CNTNAP2: variants seen among roughly 807,000 people sequenced by gnomAD.
CNTNAP2 encodes contactin associated protein 2.
Under a neutral mutation model 155.2 loss-of-function variants are expected in CNTNAP2, and 98 were observed. That is an observed-to-expected ratio of 0.63 (90% CI 0.54 to 0.75). The LOEUF (loss-of-function observed/expected upper bound fraction) is 0.75. CNTNAP2 is among the 30% of genes least tolerant of loss of function. The pLI is 0.00. For synonymous variants in CNTNAP2, 651 were observed against 631.2 expected, an observed-to-expected ratio of 1.03 and a Z score of -0.47; for missense variants, 1,727 against 1,688.1, an observed-to-expected ratio of 1.02 and a Z score of -0.40.
intron 10 of CNTNAP2, among the ~76,000 whole-genome samples, chr7:147,476,029 G>A (rs541086065): frequency 1.3e-5 from 2 of 151,834 alleles, no homozygotes; most frequent in Admixed American, 6.5e-5. Context: ...ATCTACTATC[G>A]ATAATCTTAC....
rs144480116 is a variant in CNTNAP2, at chr7:146,358,593, A to C, written c.97+241620A>C. 3.6e-3 allele frequency among the ~76,000 whole-genome samples: 550 copies of C among 152,302 alleles called. 6 individuals are homozygous for C. The highest frequency in any genetic ancestry group is 0.012 in the African/African-American group (508 of 41,568). On this transcript the variant is annotated intron_variant, in intron 1 of 23. Coordinates refer to ENST00000361727, the MANE Select transcript of CNTNAP2 (RefSeq NM_014141.6). ...TCCAGCTGGATTATGAAGGTTGAGGAAAGATCGTATTAATATGTATAGAAT... is the reference window on the plus strand; with the variant it reads ...TCCAGCTGGATTATGAAGGTTGAGGCAAGATCGTATTAATATGTATAGAAT...
chr7:146,684,591 CAGAAT>C (rs1388082236), intron 1 of CNTNAP2, among the ~76,000 whole-genome samples: 1 of 106,722 alleles, frequency 9.4e-6, no homozygotes, highest in East Asian at 3.0e-4. Flanking sequence ...ATCACCATGA[CAGAAT>C]AGAATGTTCC....
chr7:146,497,895 GTTTA>G (rs1198801364), intron 1 of CNTNAP2, among the ~76,000 whole-genome samples: 1 of 127,600 alleles, frequency 7.8e-6, no homozygotes, highest in African/African-American at 3.4e-5. Flanking sequence ...AATTATATAT[GTTTA>G]TTCAAACATA....
At chr7:146,672,863 A>G (rs1486193370) in intron 1 of CNTNAP2, among the ~76,000 whole-genome samples, 1 of 152,148 alleles carries the variant, frequency 6.6e-6, no homozygotes, top group African/African-American at 2.4e-5. Flanking sequence ...TTGTGTCTTC[A>G]TGTTTCTATA....
intron 3 of CNTNAP2, among the ~76,000 whole-genome samples, chr7:146,852,998 G>A (rs528068554): frequency 6.6e-6 from 1 of 152,272 alleles, no homozygotes; most frequent in African/African-American, 2.4e-5. Flanking sequence ...TGACAGCCTA[G>A]AGCAAGAGAA....
At chr7:148,252,606 G>C (rs761893859) in intron 20 of CNTNAP2, among the ~76,000 whole-genome samples, 2 of 152,160 alleles carry the variant, frequency 1.3e-5, no homozygotes, top group Non-Finnish European at 2.9e-5. Flanking sequence ...GGGGTACACA[G>C]CACATTAACA....
chr7:147,738,624 C>G (rs10271321), intron 13 of CNTNAP2, among the ~76,000 whole-genome samples: 118,707 of 150,914 alleles, frequency 0.79, 46,871 homozygotes, highest in East Asian at 0.99. Context: ...TGCACACTAA[C>G]TAGACACAGT....
chr7:146,630,853 G>C (rs902497531), intron 1 of CNTNAP2, among the ~76,000 whole-genome samples: 2 of 152,030 alleles, frequency 1.3e-5, no homozygotes, highest in African/African-American at 4.8e-5. Context: ...ACTTAAAAGG[G>C]ATGTGAAAGA....
At chr7:147,242,886 T>C (rs1803969390) in intron 8 of CNTNAP2, among the ~76,000 whole-genome samples, 1 of 152,002 alleles carries the variant, frequency 6.6e-6, no homozygotes, top group Admixed American at 6.6e-5. Flanking sequence ...GATCAACCCA[T>C]TGATCTTTTT....
chr7:146,406,365 A>T (rs753306664), intron 1 of CNTNAP2, among the ~76,000 whole-genome samples: 1 of 152,228 alleles, frequency 6.6e-6, no homozygotes, highest in Non-Finnish European at 1.5e-5. Flanking sequence ...ATTTAATGAT[A>T]AACCAATGAT....
At chr7:147,474,532 G>A (rs1037803765) in intron 10 of CNTNAP2, among the ~76,000 whole-genome samples, 2 of 151,990 alleles carry the variant, frequency 1.3e-5, no homozygotes, top group African/African-American at 4.8e-5. Context: ...GCAGTGAGCT[G>A]AGATCGCACC....
At chr7:147,313,967 G>T (rs934103602) in intron 9 of CNTNAP2, among the ~76,000 whole-genome samples, 4 of 151,768 alleles carry the variant, frequency 2.6e-5, no homozygotes, top group African/African-American at 9.7e-5. Context: ...TCTCCTTGAA[G>T]AGGTCCTTCA....
intron 1 of CNTNAP2, among the ~76,000 whole-genome samples, chr7:146,459,263 A>T (rs542563228): frequency 3.9e-5 from 6 of 152,158 alleles, no homozygotes; most frequent in Non-Finnish European, 8.8e-5. Flanking sequence ...AGAAGGAGAA[A>T]ATATATAGAT....
At chr7:148,164,152 C>G (rs1159309400) in intron 17 of CNTNAP2, among the ~76,000 whole-genome samples, 1 of 152,158 alleles carries the variant, frequency 6.6e-6, no homozygotes, top group East Asian at 1.9e-4. Context: ...CCAGGCTGGT[C>G]TCGAACTCCT....
chr7:148,238,125 T>A (rs141299713), intron 20 of CNTNAP2, among the ~76,000 whole-genome samples: 1 of 151,992 alleles, frequency 6.6e-6, no homozygotes, highest in Admixed American at 6.6e-5. Flanking sequence ...CCGAGGCGGG[T>A]GGATCATGAT....
chr7:146,542,743 C>T (rs1231179986), intron 1 of CNTNAP2, among the ~76,000 whole-genome samples: 1 of 151,950 alleles, frequency 6.6e-6, no homozygotes, highest in Non-Finnish European at 1.5e-5. Context: ...AAGTAAAAAT[C>T]ATCTAGGTTA....
chr7:147,926,562 G>C (rs1477705833), intron 14 of CNTNAP2, among the ~76,000 whole-genome samples: 1 of 152,162 alleles, frequency 6.6e-6, no homozygotes, highest in Non-Finnish European at 1.5e-5. Flanking sequence ...TTAAGTCACT[G>C]TGATCTACAT....
chr7:146,989,718 A>T (rs1219059533), intron 3 of CNTNAP2, among the ~76,000 whole-genome samples: 1 of 152,034 alleles, frequency 6.6e-6, no homozygotes, highest in East Asian at 1.9e-4. Context: ...TCCATCCCTT[A>T]TCCATCGCAT....
intron 13 of CNTNAP2, among the ~76,000 whole-genome samples, chr7:147,729,587 A>G (rs1245213995): frequency 6.6e-6 from 1 of 152,014 alleles, no homozygotes; most frequent in Non-Finnish European, 1.5e-5. Context: ...AGAGTGTACA[A>G]AAAAGAAAAA....
Sources: gnomAD v4.1 joint callset for allele counts (sites outside exome capture counted in the v4.1 genomes callset) on GRCh38, gnomAD v4.1.1 for gene constraint, MANE v1.5 for transcripts, NCBI Gene and HGNC (gene_info 2026-07-23, HGNC 2026-07-21) for gene names.